The following FARS2 variants were observed in gnomAD, a reference collection of about 807,000 sequenced individuals.
FARS2 encodes the protein phenylalanyl-tRNA synthetase 2, mitochondrial.
A neutral mutation model predicts 46.4 loss-of-function variants in FARS2; 40 were observed. That is an observed-to-expected ratio of 0.86 (90% confidence interval 0.67 to 1.12). The LOEUF (loss-of-function observed/expected upper bound fraction) is 1.12. FARS2 is among the 50% of genes most tolerant of loss of function. The probability of loss-of-function intolerance (pLI) is 0.00; values close to 1 mark genes in which losing one functional copy is unlikely to be tolerated. For missense variants in FARS2, 513 were observed against 567.9 expected (o/e 0.90, Z 0.98); for synonymous variants, 234 against 214.9 (o/e 1.09, Z -0.78).
At chr6:5,392,885 A>G (rs1236572733) in intron 2 of FARS2, among the ~76,000 whole-genome samples, 1 of 146,558 alleles carries the variant, frequency 6.8e-6, no homozygotes, top group Non-Finnish European at 1.5e-5. Flanking sequence ...ATATGTATAT[A>G]TACATATATG....
chr6:5,500,208 A>G (rs984370847), intron 4 of FARS2, among the ~76,000 whole-genome samples: 18 of 152,082 alleles, frequency 1.2e-4, no homozygotes, highest in African/African-American at 3.9e-4. Context: ...CTCTCTCCCT[A>G]GAAAACTTTA....
chr6:5,461,315 C>T (rs1421186566), intron 4 of FARS2, among the ~76,000 whole-genome samples: 1 of 152,210 alleles, frequency 6.6e-6, no homozygotes. Context: ...GCGGAGATTA[C>T]AGGCATGAGC....
chr6:5,370,955 C>T (rs553135400), intron 2 of FARS2, among the ~76,000 whole-genome samples: 11 of 152,172 alleles, frequency 7.2e-5, no homozygotes, highest in East Asian at 1.9e-4. Flanking sequence ...ATAAAAACCT[C>T]GCAAGGTAGA....
intron 4 of FARS2, among the ~76,000 whole-genome samples, chr6:5,509,393 C>T (rs1027496652): frequency 6.6e-6 from 1 of 152,208 alleles, no homozygotes; most frequent in Non-Finnish European, 1.5e-5. Flanking sequence ...GTGAATGGCT[C>T]CTAGTTTACA....
chr6:5,476,460 G>T (rs1582216480), intron 4 of FARS2, among the ~76,000 whole-genome samples: 1 of 152,112 alleles, frequency 6.6e-6, no homozygotes, highest in Non-Finnish European at 1.5e-5. Flanking sequence ...GAACTTACCT[G>T]TCTTGTTAAC....
At chr6:5,358,507 A>G (rs1758083345) in intron 1 of FARS2, among the ~76,000 whole-genome samples, 1 of 152,198 alleles carries the variant, frequency 6.6e-6, no homozygotes, top group African/African-American at 2.4e-5. Flanking sequence ...AGAGAGAGAG[A>G]GAAAGCCAGA....
intron 4 of FARS2, among the ~76,000 whole-genome samples, chr6:5,483,001 C>T (rs169247): frequency 0.028 from 4,301 of 152,230 alleles, 186 homozygotes; most frequent in African/African-American, 0.099. Flanking sequence ...AGGAGCCATA[C>T]GCACATCTAT....
chr6:5,633,856 C>T (rs553883495), intron 6 of FARS2, among the ~76,000 whole-genome samples: 1 of 152,248 alleles, frequency 6.6e-6, no homozygotes, highest in East Asian at 1.9e-4. Context: ...ATTTTACAAA[C>T]AGTAAAAATC....
rs558301222 is a variant in FARS2, at chr6:5,465,007, G to T, written c.904+33835G>T. On this transcript the variant is annotated intron_variant, in intron 4 of 6. Transcript: ENST00000274680. The stretch of plus-strand genomic sequence containing the variant: ...AGGAAGACCCTCTAGCTGGTGGAGA[G>T]TGCGGAAGCTTGAACTGAGTTATGA... Among the ~76,000 whole-genome samples the T allele has an allele frequency of 2.7e-4, 41 of 152,328 alleles. 1 individual carries two copies. The East Asian group carries it at 5.0e-3, about 19-fold the overall frequency.
chr6:5,547,248 G>A (rs540763600), intron 5 of FARS2, among the ~76,000 whole-genome samples: 56 of 152,050 alleles, frequency 3.7e-4, no homozygotes, highest in Non-Finnish European at 6.6e-4. Flanking sequence ...CACTGCGCCC[G>A]GCCTCATAAT....
chr6:5,663,567 A>C (rs116667925), intron 6 of FARS2, among the ~76,000 whole-genome samples: 1 of 152,336 alleles, frequency 6.6e-6, no homozygotes, highest in African/African-American at 2.4e-5. Flanking sequence ...GAAGCAATCC[A>C]CTAAAGAAAA....
chr6:5,709,707 C>T (rs371245955), intron 6 of FARS2, among the ~76,000 whole-genome samples: 2 of 34,252 alleles, frequency 5.8e-5, no homozygotes, highest in Non-Finnish European at 1.7e-4. Context: ...TGCGCATGCA[C>T]GTGCATGTTG....
chr6:5,432,940 C>T (rs934465420), intron 4 of FARS2, among the ~76,000 whole-genome samples: 22 of 152,250 alleles, frequency 1.4e-4, no homozygotes, highest in African/African-American at 4.8e-4. Flanking sequence ...TTTAGGTACT[C>T]TCCATCTGCA....
At chr6:5,513,113 A>C (rs1768558875) in intron 4 of FARS2, among the ~76,000 whole-genome samples, 1 of 152,146 alleles carries the variant, frequency 6.6e-6, no homozygotes, top group Admixed American at 6.5e-5. Context: ...GGACACTATG[A>C]GGTGGCGGTG....
intron 5 of FARS2, among the ~76,000 whole-genome samples, chr6:5,550,746 T>C (rs568533575): frequency 6.6e-6 from 1 of 152,352 alleles, no homozygotes; most frequent in East Asian, 1.9e-4. Context: ...AAAAACCTTG[T>C]GGCTCTCCCA....
chr6:5,760,980 G>C (rs1179940997), intron 6 of FARS2, among the ~76,000 whole-genome samples: 1 of 152,206 alleles, frequency 6.6e-6, no homozygotes, highest in African/African-American at 2.4e-5. Flanking sequence ...TCCCTATTGG[G>C]CCATTTGTAC....
intron 6 of FARS2, among the ~76,000 whole-genome samples, chr6:5,733,096 T>C (rs764788614): frequency 1.3e-5 from 2 of 152,216 alleles, no homozygotes; most frequent in Non-Finnish European, 2.9e-5. Flanking sequence ...TTTAACTTAT[T>C]TGCAGATAAT....
intron 5 of FARS2, chr6:5,609,758 T>C: frequency 6.6e-7 from 1 of 1,510,938 alleles, no homozygotes; most frequent in South Asian, 1.1e-5. Flanking sequence ...GCCCCTTTTC[T>C]TGCCACTGCC....
intron 1 of FARS2, among the ~76,000 whole-genome samples, chr6:5,264,488 CTTTTTTCTTTTT>C (rs1365361523): frequency 6.7e-6 from 1 of 148,794 alleles, no homozygotes; most frequent in East Asian, 2.0e-4. Flanking sequence ...TTTTTCTTTT[CTTTTTTCTTTTT>C]TTTTTTTTTT....
Sources: allele counts gnomAD v4.1 joint callset (sites outside exome capture counted in the v4.1 genomes callset), GRCh38; gene constraint gnomAD v4.1.1; transcripts MANE v1.5; gene names NCBI Gene and HGNC (gene_info 2026-07-23, HGNC 2026-07-21).